NSD1: variants seen among roughly 807,000 people sequenced by gnomAD.
NSD1 encodes nuclear receptor binding SET domain protein 1, also known as histone-lysine N-methyltransferase, H3 lysine-36 specific.
A neutral mutation model predicts 242.7 loss-of-function variants in NSD1; 26 were observed. The ratio of observed to expected loss-of-function variants is 0.11; its 90% CI spans 0.08 to 0.15. NSD1 has a LOEUF of 0.15. Ranked by LOEUF, NSD1 falls within the 10% of genes least tolerant of loss-of-function variation. The pLI is 1.00. For missense variants in NSD1, 2,495 were observed against 3,272.8 expected, an observed-to-expected ratio of 0.76 and a Z score of 5.80; for synonymous variants, 1,106 against 1,178.1, an observed-to-expected ratio of 0.94 and a Z score of 1.25.
chr5:177,188,496 C>T (rs897302150), intron 2 of NSD1, among the ~76,000 whole-genome samples: 1 of 149,022 alleles, frequency 6.7e-6, no homozygotes, highest in African/African-American at 2.4e-5. Flanking sequence ...AGTCTTTACT[C>T]ATTGTACCAT....
chr5:177,172,979 A>AC (rs1759839230), intron 2 of NSD1, among the ~76,000 whole-genome samples: 1 of 151,196 alleles, frequency 6.6e-6, no homozygotes, highest in Non-Finnish European at 1.5e-5. Context: ...AAAAAAAAAA[A>AC]AAAGAATATT....
intron 3 of NSD1, among the ~76,000 whole-genome samples, chr5:177,201,668 C>T (rs556356116): frequency 3.3e-4 from 50 of 151,376 alleles, no homozygotes; most frequent in African/African-American, 1.2e-3. Flanking sequence ...AAGCGATTCT[C>T]ATGCCTCAGC....
rs1299439857 is a variant in NSD1 at position 177,152,319 on chromosome 5, G to GTA, written c.927+16290_927+16291insAT. ...CTGTGCCGAGCCAGGTTGTGTGTGT[G>GTA]TGTATGTATGTATGTATGTATGTAT... On this transcript the variant is annotated intron_variant, in intron 2 of 22. Coordinates refer to ENST00000439151, the MANE Select transcript of NSD1 (RefSeq NM_022455.5). 1.4e-3 allele frequency among the ~76,000 whole-genome samples: 176 copies of GTA among 128,246 alleles called. 2 individuals are homozygous for GTA. Among genetic ancestry groups the GTA allele is most frequent in the East Asian group, 0.013 (57 of 4,482 alleles). The allele number at this position is 128,246 out of a possible 152,430, so 84.1% of individuals were successfully genotyped here. A position where few individuals can be genotyped will look rare whatever the true frequency, so the allele number is the denominator to read the frequency against.
intron 3 of NSD1, among the ~76,000 whole-genome samples, chr5:177,194,280 G>A (rs1208541036): frequency 6.6e-6 from 1 of 151,520 alleles, no homozygotes; most frequent in East Asian, 1.9e-4. Flanking sequence ...ATTTTTCTGA[G>A]ACAGGATCTC....
intron 2 of NSD1, among the ~76,000 whole-genome samples, chr5:177,180,772 T>TC (rs1438231460): frequency 1.3e-5 from 2 of 151,996 alleles, no homozygotes; most frequent in Non-Finnish European, 2.9e-5. Context: ...ATCCTCCGCC[T>TC]CCCGGGTTCA....
At chr5:177,185,726 A>G (rs1263009596) in intron 2 of NSD1, among the ~76,000 whole-genome samples, 1 of 107,420 alleles carries the variant, frequency 9.3e-6, no homozygotes, top group African/African-American at 3.7e-5. Flanking sequence ...TATATTATAT[A>G]TTATATATAT....
chr5:177,169,923 C>T (rs898987425), intron 2 of NSD1, among the ~76,000 whole-genome samples: 1 of 150,096 alleles, frequency 6.7e-6, no homozygotes, highest in African/African-American at 2.4e-5. Flanking sequence ...AATGTTTTTT[C>T]TGTCTGTTGA....
intron 20 of NSD1, 70 bp from the exon 21 acceptor site, chr5:177,288,747 TCC>T (rs1759542115): frequency 9.3e-7 from 1 of 1,078,212 alleles, no homozygotes; most frequent in South Asian, 1.3e-5. Context: ...GGAGTTGGTA[TCC>T]TTTGTAATTA....
intron 15 of NSD1, among the ~76,000 whole-genome samples, chr5:177,268,248 A>G (rs1462868640): frequency 6.8e-6 from 1 of 147,608 alleles, no homozygotes; most frequent in Non-Finnish European, 1.5e-5. Context: ...AGCTGAGACT[A>G]CAGGTACATG....
At chr5:177,155,073 C>T (rs1396481701) in intron 2 of NSD1, among the ~76,000 whole-genome samples, 3 of 151,636 alleles carry the variant, frequency 2.0e-5, no homozygotes, top group Non-Finnish European at 2.9e-5. Context: ...TCACTGCAAC[C>T]TGTACCTCCT....
chr5:177,210,465 T>C lies in NSD1; in HGVS notation c.2066T>C (p.Phe689Ser). 1 of 1,614,144 alleles carries C rather than the reference T, an allele frequency of 6.2e-7. No homozygotes were observed. The highest frequency in any genetic ancestry group is 8.5e-7 in the Non-Finnish European group (1 of 1,180,024). ...QKNEKIKYSR[F>S]AATNTRVKAK... ...AATGAAAAGATAAAGTATTCTAGGTTTGCTGCCACAAACACTAGGGTAAAA... is the reference window on the plus strand; with the variant it reads ...AATGAAAAGATAAAGTATTCTAGGTCTGCTGCCACAAACACTAGGGTAAAA... The change falls in exon 5 of 23, where the codon TTT (phenylalanine) becomes TCT (serine). Residue 689 changes from phenylalanine (F) to serine (S), a missense_variant. This residue lies in a region of NSD1 where 515 missense variants were observed against 467.0 expected (regional missense o/e 1.10). Coordinates refer to ENST00000439151, the MANE Select transcript of NSD1 (RefSeq NM_022455.5).
At chr5:177,256,275 C>CTT (rs147226070) in intron 12 of NSD1, among the ~76,000 whole-genome samples, 235 of 76,838 alleles carry the variant, frequency 3.1e-3, no homozygotes, top group East Asian at 0.01. Flanking sequence ...TGCCCCCACA[C>CTT]TTTTTTTTTT....
chr5:177,206,307 T>G (rs1268678972), intron 4 of NSD1, among the ~76,000 whole-genome samples: 1 of 152,062 alleles, frequency 6.6e-6, no homozygotes, highest in African/African-American at 2.4e-5. Context: ...GCCCCAATTT[T>G]TATTTTTATT....
intron 12 of NSD1, among the ~76,000 whole-genome samples, chr5:177,254,398 GT>G (rs1382678763): frequency 6.6e-6 from 1 of 151,566 alleles, no homozygotes; most frequent in Non-Finnish European, 1.5e-5. Context: ...TTTCGTTGTT[GT>G]TTTTTTTCTT....
At position 177,287,509 on chromosome 5, in the gene NSD1, G is replaced by A. The variant is rs542267277; in HGVS notation, c.6152-1310G>A. On this transcript the variant is annotated intron_variant, in intron 20 of 22. Coordinates refer to ENST00000439151, the MANE Select transcript of NSD1 (RefSeq NM_022455.5). ...AAACTAGCTGGGCGTGGTGGCAGGCGCCTGTAATCCCAGCTACTCAGGAGG... is the reference window on the plus strand; with the variant it reads ...AAACTAGCTGGGCGTGGTGGCAGGCACCTGTAATCCCAGCTACTCAGGAGG... Among the ~76,000 whole-genome samples, 8 of 152,262 alleles carry A rather than the reference G, an allele frequency of 5.3e-5. No individual in the cohort carries two copies. In the South Asian group the frequency reaches 1.7e-3, roughly 32 times the overall value.
intron 22 of NSD1, among the ~76,000 whole-genome samples, chr5:177,293,158 G>C (rs1759977290): frequency 6.6e-6 from 1 of 152,192 alleles, no homozygotes; most frequent in Non-Finnish European, 1.5e-5. Context: ...TGTGTGCCAG[G>C]AGTGGGAGCT....
chr5:177,205,807 G>C (rs1372314817), intron 4 of NSD1, among the ~76,000 whole-genome samples: 3 of 151,694 alleles, frequency 2.0e-5, no homozygotes, highest in Admixed American at 1.3e-4. Flanking sequence ...ACTCCCCTGG[G>C]TCTAAATACT....
chr5:177,159,391 C>T (rs1048068303), intron 2 of NSD1, among the ~76,000 whole-genome samples: 6 of 150,176 alleles, frequency 4.0e-5, no homozygotes, highest in South Asian at 2.1e-4. Context: ...CAAGCGATTC[C>T]GGTGCCTCAG....
intron 2 of NSD1, among the ~76,000 whole-genome samples, chr5:177,185,124 C>G (rs374775608): frequency 6.6e-6 from 1 of 152,062 alleles, no homozygotes; most frequent in East Asian, 1.9e-4. Context: ...CCCACTTCCC[C>G]TCGTCTTTAC....
Sources: gnomAD v4.1 joint callset for allele counts (sites outside exome capture counted in the v4.1 genomes callset) on GRCh38, gnomAD v4.1.1 for gene constraint, gnomAD v4.1.1 regional missense constraint, MANE v1.5 for transcripts, NCBI Gene and HGNC (gene_info 2026-07-23, HGNC 2026-07-21) for gene names.